ZNF296: variants seen among roughly 807,000 people sequenced by gnomAD.
ZNF296 encodes the protein zinc finger protein 342.
Under a neutral mutation model 13.2 loss-of-function variants are expected in ZNF296, and 1 was observed. That is an observed-to-expected ratio of 0.08 (90% CI 0.03 to 0.36). ZNF296 has a LOEUF of 0.36. Among genes scored for constraint, ZNF296 ranks in the 10% least tolerant of loss-of-function variants. The pLI is 0.99. For synonymous variants in ZNF296, 303 were observed against 289.0 expected (o/e 1.05, Z -0.49); for missense variants, 555 against 688.2 (o/e 0.81, Z 2.16).
Position 45,071,535 on chromosome 19 carries a change from CA to C in ZNF296, c.*65del. 1 of 1,491,612 alleles carries C rather than the reference CA, an allele frequency of 6.7e-7. No homozygotes were observed. The highest frequency in any genetic ancestry group is 8.9e-7 in the Non-Finnish European group (1 of 1,129,564). 92.4% of individuals were successfully genotyped at this position (1,491,612 alleles called of 1,614,324 possible). On this transcript the variant is annotated 3_prime_UTR_variant, in exon 3 of 3. Coordinates refer to ENST00000303809, the MANE Select transcript of ZNF296 (RefSeq NM_145288.3). The stretch of plus-strand genomic sequence containing the variant: ...GGAAAATTTACTTGGAGAAGGCGGG[CA>C]AAAACGAGGAGGTCAATGGGTGTTG...
chr19:45,075,218 T>C (rs995371210), intron 2 of ZNF296, among the ~76,000 whole-genome samples: 3 of 152,000 alleles, frequency 2.0e-5, no homozygotes, highest in African/African-American at 7.3e-5. Flanking sequence ...CAGAAGCCCC[T>C]TCCTTGGCTC....
intron 2 of ZNF296, among the ~76,000 whole-genome samples, chr19:45,075,131 G>A (rs1259841161): frequency 6.6e-6 from 1 of 152,210 alleles, no homozygotes. Context: ...GAACCCGGGT[G>A]TCCAGCACCC....
chr19:45,072,117 C>G lies in ZNF296; in HGVS notation c.912G>C (p.Pro304=), dbSNP rs771145816. ...GGGCAGCAGCATGGACAGCCGGCTCCGGAGGGGCTGCAGAGGCCTGCTCCT... is the reference window on the plus strand; with the variant it reads ...GGGCAGCAGCATGGACAGCCGGCTCGGGAGGGGCTGCAGAGGCCTGCTCCT... ...TSQEQASAAP[P]EPAVHAAAPT... Residue 304 remains proline (P), a synonymous_variant, in exon 3 of 3, where the codon CCG becomes CCC. Coordinates refer to ENST00000303809, the MANE Select transcript of ZNF296 (RefSeq NM_145288.3). 1 of 1,608,052 alleles carries G rather than the reference C, an allele frequency of 6.2e-7. No individual in the cohort carries two copies. The highest frequency in any genetic ancestry group is 1.1e-5 in the South Asian group (1 of 90,688).
Position 45,072,072 on chromosome 19 carries a change from G to A in ZNF296, c.957C>T (p.Cys319=). 1 of 1,612,454 alleles carries A rather than the reference G, an allele frequency of 6.2e-7. No homozygotes were observed. The highest frequency in any genetic ancestry group is 8.5e-7 in the Non-Finnish European group (1 of 1,179,872). The change falls in exon 3 of 3, where the codon TGC becomes TGT. Residue 319 remains cysteine (C), a synonymous_variant. Transcript: ENST00000303809. The stretch of plus-strand genomic sequence containing the variant: ...CGGCTCCAGCCCCCTCACCACCGCT[G>A]CATGGAAGGGTGCTGGTGGGGGCAG... ...HAAAPTSTLP[C]SGGEGAGAAA... is the part of the protein sequence containing the mutation.
intron 2 of ZNF296, 33 bp downstream of exon 2, chr19:45,075,680 C>A: frequency 1.2e-6 from 2 of 1,606,772 alleles, no homozygotes; most frequent in Non-Finnish European, 1.7e-6. Context: ...AGCCCTCGAA[C>A]TTGAGAGGGG....
Position 45,072,148 on chromosome 19 carries a change from G to A in ZNF296, c.881C>T (p.Thr294Ile), listed in dbSNP as rs750080052. Residue 294 changes from threonine (T) to isoleucine (I), a missense_variant, in exon 3 of 3, where the codon ACC (threonine) becomes ATC (isoleucine). By Grantham distance (89) the Thr-to-Ile change is moderately conservative. This residue lies in a region of ZNF296 where 410 missense variants were observed against 548.0 expected (regional missense o/e 0.75). Coordinates refer to ENST00000303809, the MANE Select transcript of ZNF296 (RefSeq NM_145288.3). ...GGCTGCAGAGGCCTGCTCCTGGCTG[G>A]TGTCGGCCATGAGGGGGCTCTGGGG... ...VPPQSPLMAD[T>I]SQEQASAAPP... The A allele has an allele frequency of 4.6e-5, 73 of 1,603,344 alleles. No individual in the cohort carries two copies. The Middle Eastern group carries it at 9.9e-4, about 22-fold the overall frequency.
In ZNF296 at chr19:45,071,823, C is replaced by G. The variant is rs781131463; in HGVS notation, c.1206G>C (p.Thr402=). ...CCCCGGTGTGTGAGCGCCGGTGCAC[C>G]GTCAGGTTGCTGCTGTTGGTAAAAT... is the stretch of plus-strand genomic sequence containing the variant. ...GKHFTNSSNL[T]VHRRSHTGER... The change falls in exon 3 of 3, where the codon ACG becomes ACC. Residue 402 remains threonine (T), a synonymous_variant. Coordinates refer to ENST00000303809, the MANE Select transcript of ZNF296 (RefSeq NM_145288.3). The G allele has an allele frequency of 2.5e-6, 4 of 1,612,012 alleles. No individual in the cohort carries two copies. Among genetic ancestry groups the G allele is most frequent in the Middle Eastern group, 1.7e-4 (1 of 6,052 alleles).
rs1418692854 is a variant in ZNF296 at position 45,076,168 on chromosome 19, G to A, written c.206C>T (p.Ser69Phe). The change falls in exon 1 of 3, where the codon TCC becomes TTC. Residue 69 changes from serine (S) to phenylalanine (F), a missense_variant. By Grantham distance (155) the Ser-to-Phe change is radical. Transcript: ENST00000303809. This position sits in a 1 kb window ranked among gnomAD's most constrained non-coding sequence, Gnocchi z 4.9. Reference protein sequence around the residue: ...AGRFGGEPHHSPGPMPAGAAL... With the variant: ...AGRFGGEPHHFPGPMPAGAAL... ...GGCCCCGGCGGGCATGGGGCCAGGG[G>A]AGTGGTGGGGTTCGCCGCCGAACCG... The A allele has an allele frequency of 3.9e-6, 6 of 1,522,736 alleles. No individual in the cohort carries two copies. The highest frequency in any genetic ancestry group is 5.3e-6 in the Non-Finnish European group (6 of 1,138,990). 94.3% of individuals were successfully genotyped at this position (1,522,736 alleles called of 1,614,324 possible).
intron 2 of ZNF296, among the ~76,000 whole-genome samples, chr19:45,075,401 C>T (rs1179530055): frequency 1.3e-5 from 2 of 152,152 alleles, no homozygotes; most frequent in African/African-American, 4.8e-5. Flanking sequence ...TTATTTCTGG[C>T]CAAGGGGAAG....
intron 2 of ZNF296, among the ~76,000 whole-genome samples, chr19:45,073,751 C>T (rs1464231976): frequency 2.0e-5 from 3 of 151,168 alleles, no homozygotes; most frequent in African/African-American, 4.8e-5. Context: ...AGGCCGGGCA[C>T]GGTGGCTCAC....
Position 45,071,882 on chromosome 19 carries a change from C to A in ZNF296, c.1147G>T (p.Gly383Trp). 6.2e-7 allele frequency: 1 copy of A among 1,613,216 alleles called. No homozygotes were observed. Among genetic ancestry groups the A allele is most frequent in the South Asian group, 1.1e-5 (1 of 91,084 alleles). The change falls in exon 3 of 3, where the codon GGG becomes TGG. Residue 383 changes from glycine to tryptophan, a missense_variant. By Grantham distance (184) the Gly-to-Trp change is radical. Around this residue, in one of 3 missense-constraint regions of ZNF296, gnomAD observed 410 missense variants for 548.0 expected, o/e 0.75. Coordinates refer to ENST00000303809, the MANE Select transcript of ZNF296 (RefSeq NM_145288.3). ...KMPKSGGKSR[G>W]PGGSCEFCGK... ...CAGAACTCACAGCTGCCCCCGGGCCCGCGGCTCTTGCCCCCTGACTTGGGC... is the reference window on the plus strand; with the variant it reads ...CAGAACTCACAGCTGCCCCCGGGCCAGCGGCTCTTGCCCCCTGACTTGGGC...
At position 45,072,068 on chromosome 19, in the gene ZNF296, C is replaced by T. The variant is rs780470969; in HGVS notation, c.961G>A (p.Gly321Ser). The change falls in exon 3 of 3, where the codon GGT (glycine) becomes AGT (serine). Residue 321 changes from glycine to serine, a missense_variant. Gly to Ser is a moderately conservative substitution (Grantham distance 56). Coordinates refer to ENST00000303809, the MANE Select transcript of ZNF296 (RefSeq NM_145288.3). Reference sequence around the variant, plus strand: ...GCGGCGGCTCCAGCCCCCTCACCACCGCTGCATGGAAGGGTGCTGGTGGGG... The same window carrying T: ...GCGGCGGCTCCAGCCCCCTCACCACTGCTGCATGGAAGGGTGCTGGTGGGG... ...AAPTSTLPCS[G>S]GEGAGAAATA... The T allele has an allele frequency of 6.2e-6, 10 of 1,612,378 alleles. No individual in the cohort carries two copies. The highest frequency in any genetic ancestry group is 2.2e-5 in the South Asian group (2 of 91,052).
rs755256286 is a variant in ZNF296 at position 45,071,566 on chromosome 19, C to T, written c.*35G>A. ...CGAGGAGGTCAATGGGTGTTGGCAGCGGTACCAGGGACAGTGAGGGGGGCT... is the reference window on the plus strand; with the variant it reads ...CGAGGAGGTCAATGGGTGTTGGCAGTGGTACCAGGGACAGTGAGGGGGGCT... On this transcript the variant is annotated 3_prime_UTR_variant, in exon 3 of 3. Transcript: ENST00000303809. 1.0e-5 allele frequency: 15 copies of T among 1,500,340 alleles called. No homozygotes were observed. Among genetic ancestry groups the T allele is most frequent in the Non-Finnish European group, 1.2e-5 (14 of 1,133,910 alleles). The allele number at this position is 1,500,340 out of a possible 1,614,324, so 92.9% of individuals were successfully genotyped here.
Position 45,076,228 on chromosome 19 carries a change from C to G in ZNF296, c.146G>C (p.Gly49Ala). The change falls in exon 1 of 3, where the codon GGG becomes GCG. Residue 49 changes from glycine to alanine, a missense_variant. By Grantham distance (60) the Gly-to-Ala change is moderately conservative. Transcript: ENST00000303809. The surrounding 1 kb of genome is among the most constrained non-coding windows in gnomAD (Gnocchi z 4.9). ...DAQPQQAPRL[G>A]PFSPKEVSSA... ...GGACACCTCCTTCGGGGAGAAGGGC[C>G]CCAGCCTTGGGGCCTGTTGGGGCTG... The G allele has an allele frequency of 6.6e-7, 1 of 1,508,892 alleles. No individual in the cohort carries two copies. The highest frequency in any genetic ancestry group is 8.8e-7 in the Non-Finnish European group (1 of 1,132,994). The allele number at this position is 1,508,892 out of a possible 1,614,324, so 93.5% of individuals were successfully genotyped here. A position where few individuals can be genotyped will look rare whatever the true frequency, so the allele number is the denominator to read the frequency against.
chr19:45,074,408 G>GAGGT (rs1342476356), intron 2 of ZNF296, among the ~76,000 whole-genome samples: 2 of 152,178 alleles, frequency 1.3e-5, no homozygotes, highest in Non-Finnish European at 2.9e-5. Flanking sequence ...ACCTAGTAAA[G>GAGGT]AGGTGGTAGT....
At chr19:45,072,910 C>A (rs1018664311) in intron 2 of ZNF296, among the ~76,000 whole-genome samples, 1 of 152,284 alleles carries the variant, frequency 6.6e-6, no homozygotes, top group South Asian at 2.1e-4. Context: ...TACAGGCGCC[C>A]GCCACCATGC....
At chr19:45,075,608 G>C in intron 2 of ZNF296, 105 bp downstream of exon 2, 2 of 1,379,642 alleles carry the variant, frequency 1.4e-6, no homozygotes, top group South Asian at 2.6e-5. Flanking sequence ...TGGGGAGCGA[G>C]AAAGGGGAAG....
At chr19:45,073,004 G>A (rs534837679) in intron 2 of ZNF296, among the ~76,000 whole-genome samples, 1 of 152,202 alleles carries the variant, frequency 6.6e-6, no homozygotes, top group South Asian at 2.1e-4. Context: ...CACCCACCTC[G>A]GCCTCCCAAA....
At chr19:45,074,550 T>C (rs2099432393) in intron 2 of ZNF296, among the ~76,000 whole-genome samples, 1 of 152,094 alleles carries the variant, frequency 6.6e-6, no homozygotes, top group African/African-American at 2.4e-5. Context: ...TTTTTCAAAT[T>C]CTAGAGTCTT....
Sources: gnomAD v4.1 joint callset for allele counts (sites outside exome capture counted in the v4.1 genomes callset) on GRCh38, gnomAD v4.1.1 for gene constraint, gnomAD v4.1.1 regional missense constraint, Gnocchi (gnomAD v3.1) non-coding constraint, MANE v1.5 for transcripts, NCBI Gene and HGNC (gene_info 2026-07-23, HGNC 2026-07-21) for gene names.